ETFRF1: variants seen among roughly 807,000 people sequenced by gnomAD.
The protein encoded by ETFRF1 is LYR motif containing 5.
Under a neutral mutation model 9.0 loss-of-function variants are expected in ETFRF1, and 12 were observed. The ratio of observed to expected loss-of-function variants is 1.34; its 90% CI spans 0.86 to 2.16. ETFRF1 has a LOEUF of 2.16. Among genes scored for constraint, ETFRF1 ranks in the 30% most tolerant of loss-of-function variants. The pLI is 0.00. For missense variants in ETFRF1, 98 were observed against 101.8 expected (o/e 0.96, Z 0.16); for synonymous variants, 34 against 33.2 (o/e 1.02, Z -0.08).
chr12:25,198,572 G>A (rs1447655469), intron 1 of ETFRF1, among the ~76,000 whole-genome samples: 1 of 152,058 alleles, frequency 6.6e-6, no homozygotes, highest in African/African-American at 2.4e-5. Context: ...CAGCTCAGAA[G>A]TGATAAGAGA....
Position 25,204,745 on chromosome 12 carries a change from A to G in ETFRF1, c.*433A>G, listed in dbSNP as rs1355523237. 5.4e-6 allele frequency: 1 copy of G among 184,762 alleles called. No individual in the cohort carries two copies. Among genetic ancestry groups the G allele is most frequent in the Non-Finnish European group, 1.1e-5 (1 of 87,158 alleles). The allele number at this position is 184,762 out of a possible 1,614,324, so 11.4% of individuals were successfully genotyped here. ...CCCTTATTTTTTCACCCAATTTGGT[A>G]TATTAACAGCACATACTCAAGGTTC... On this transcript the variant is annotated 3_prime_UTR_variant, in exon 3 of 3. Coordinates refer to ENST00000381356, the MANE Select transcript of ETFRF1 (RefSeq NM_001001660.3).
intron 1 of ETFRF1, among the ~76,000 whole-genome samples, chr12:25,201,877 T>A (rs1469978055): frequency 6.6e-6 from 1 of 151,938 alleles, no homozygotes. Context: ...CATTTTCTGC[T>A]AGTTAACTAT....
rs1951120693 is a variant in ETFRF1, at chr12:25,205,119, T to TAA, written c.*809_*810dup. The TAA allele has an allele frequency of 4.6e-6, 1 of 216,982 alleles. No individual in the cohort carries two copies. Among genetic ancestry groups the TAA allele is most frequent in the African/African-American group, 2.2e-5 (1 of 44,450 alleles). The allele number at this position is 216,982 out of a possible 1,614,324, so 13.4% of individuals were successfully genotyped here. On this transcript the variant is annotated 3_prime_UTR_variant, in exon 3 of 3. Coordinates refer to ENST00000381356, the MANE Select transcript of ETFRF1 (RefSeq NM_001001660.3). The stretch of plus-strand genomic sequence containing the variant: ...TAATATCCACAGCACCTTTTAGAAA[T>TAA]AAAGGATACTTCTAACAAGCTGCAT...
chr12:25,202,451 G>C (rs1951082397), intron 1 of ETFRF1, among the ~76,000 whole-genome samples: 1 of 152,064 alleles, frequency 6.6e-6, no homozygotes, highest in Non-Finnish European at 1.5e-5. Flanking sequence ...GATGAGGAGG[G>C]CATCCTATTA....
intron 1 of ETFRF1, among the ~76,000 whole-genome samples, chr12:25,198,050 C>T (rs894118913): frequency 6.6e-6 from 1 of 152,130 alleles, no homozygotes; most frequent in Non-Finnish European, 1.5e-5. Context: ...GCAGAATTCT[C>T]AAAAGGCACT....
rs983014435 is a variant in ETFRF1, at chr12:25,198,001, G to T, written c.-38+2664G>T. 1.1e-4 allele frequency among the ~76,000 whole-genome samples: 17 copies of T among 152,186 alleles called. No homozygotes were observed. In the East Asian group the frequency reaches 2.7e-3, roughly 24 times the overall value. On this transcript the variant is annotated intron_variant, in intron 1 of 2. Transcript: ENST00000381356. ...CTCAGAAGCTGGAAAACAGGTGAAT[G>T]AATGTGACTTAGCACACCAGAAAAA... is the stretch of plus-strand genomic sequence containing the variant.
intron 1 of ETFRF1, among the ~76,000 whole-genome samples, chr12:25,201,331 G>A (rs1230841422): frequency 6.6e-6 from 1 of 152,236 alleles, no homozygotes; most frequent in Admixed American, 6.5e-5. Flanking sequence ...AGAAGGTAAA[G>A]CCAGACTAGG....
At chr12:25,195,882 C>T (rs11047888) in intron 1 of ETFRF1, 74,857 of 152,006 alleles carry the variant, frequency 0.49, 19,372 homozygotes, top group East Asian at 0.8. Context: ...TCTCCTCCCA[C>T]ATGAAGAAAC....
chr12:25,200,791 T>C lies in ETFRF1; in HGVS notation c.-37-3129T>C, dbSNP rs115560018. ...ATGGAACACTTTGGAATGTAGAAAA[T>C]GGGATAATCAACATAGAGGATAGGC... On this transcript the variant is annotated intron_variant, in intron 1 of 2. Coordinates refer to ENST00000381356, the MANE Select transcript of ETFRF1 (RefSeq NM_001001660.3). Among the ~76,000 whole-genome samples, 1,428 of 151,946 alleles carry C rather than the reference T, an allele frequency of 9.4e-3. 17 individuals are homozygous for C. The highest frequency in any genetic ancestry group is 0.033 in the African/African-American group (1,358 of 41,432).
chr12:25,195,397 G>C, intron 1 of ETFRF1, 60 bp downstream of exon 1: 1 of 552,266 alleles, frequency 1.8e-6, no homozygotes, highest in Non-Finnish European at 3.3e-6. Context: ...GGGTCTGGAG[G>C]CGAAATATGC....
At chr12:25,203,332 C>T (rs1265416771) in intron 1 of ETFRF1, among the ~76,000 whole-genome samples, 1 of 152,228 alleles carries the variant, frequency 6.6e-6, no homozygotes, top group East Asian at 1.9e-4. Flanking sequence ...CACCCTCTTA[C>T]AGGTTGTTCA....
At chr12:25,201,434 C>G (rs746555910) in intron 1 of ETFRF1, among the ~76,000 whole-genome samples, 21 of 151,902 alleles carry the variant, frequency 1.4e-4, no homozygotes, top group Admixed American at 3.3e-4. Flanking sequence ...ATATTTAGGG[C>G]AATGTTCATG....
Position 25,204,159 on chromosome 12 carries a change from C to A in ETFRF1, c.120C>A (p.Phe40Leu). 6.2e-7 allele frequency: 1 copy of A among 1,612,548 alleles called. No individual in the cohort carries two copies. Among genetic ancestry groups the A allele is most frequent in the Non-Finnish European group, 8.5e-7 (1 of 1,179,228 alleles). Residue 40 changes from phenylalanine to leucine, a missense_variant, in exon 3 of 3, where the codon TTC (phenylalanine) becomes TTA (leucine). Coordinates refer to ENST00000381356, the MANE Select transcript of ETFRF1 (RefSeq NM_001001660.3). Reference sequence around the variant, plus strand: ...TTAAAAAGCGTTTGAAGAACATTTTCCTTAAAAACAAAGATGTGAAGAATC... The same window carrying A: ...TTAAAAAGCGTTTGAAGAACATTTTACTTAAAAACAAAGATGTGAAGAATC... ...DYFKKRLKNI[F>L]LKNKDVKNPE...
At position 25,204,414 on chromosome 12, in the gene ETFRF1, A is replaced by G; in HGVS notation, c.*102A>G. The G allele has an allele frequency of 2.0e-6, 2 of 979,302 alleles. No individual in the cohort carries two copies. Among genetic ancestry groups the G allele is most frequent in the Non-Finnish European group, 2.8e-6 (2 of 708,696 alleles). The allele number at this position is 979,302 out of a possible 1,614,324, so 60.7% of individuals were successfully genotyped here. The stretch of plus-strand genomic sequence containing the variant: ...ATGGGAAGATATACATGTTGTGTAA[A>G]AAATCCCTGAGCTGCCCTACTGAAC... On this transcript the variant is annotated 3_prime_UTR_variant, in exon 3 of 3. Coordinates refer to ENST00000381356, the MANE Select transcript of ETFRF1 (RefSeq NM_001001660.3).
At chr12:25,196,881 G>A (rs1001122254) in intron 1 of ETFRF1, among the ~76,000 whole-genome samples, 1 of 152,200 alleles carries the variant, frequency 6.6e-6, no homozygotes, top group African/African-American at 2.4e-5. Context: ...ATTGCCTGGT[G>A]TGGTGGCTCA....
chr12:25,201,633 T>C (rs1387070859), intron 1 of ETFRF1, among the ~76,000 whole-genome samples: 1 of 152,030 alleles, frequency 6.6e-6, no homozygotes, highest in African/African-American at 2.4e-5. Flanking sequence ...GCAGTTTCTA[T>C]GTCTAATACG....
chr12:25,199,293 G>A (rs989825808), intron 1 of ETFRF1, among the ~76,000 whole-genome samples: 1 of 147,622 alleles, frequency 6.8e-6, no homozygotes, highest in African/African-American at 2.5e-5. Context: ...TATATACTAC[G>A]TAGTATGTAC....
intron 1 of ETFRF1, among the ~76,000 whole-genome samples, chr12:25,199,277 A>G (rs1031552318): frequency 6.7e-6 from 1 of 149,082 alleles, no homozygotes; most frequent in Non-Finnish European, 1.5e-5. Context: ...TACTATATAT[A>G]TCTACTATAT....
At chr12:25,198,315 C>T (rs537536506) in intron 1 of ETFRF1, among the ~76,000 whole-genome samples, 1 of 152,262 alleles carries the variant, frequency 6.6e-6, no homozygotes, top group East Asian at 1.9e-4. Context: ...GAAGACTCAA[C>T]TCTGAGGAAC....
Sources: allele counts gnomAD v4.1 joint callset (sites outside exome capture counted in the v4.1 genomes callset), GRCh38; gene constraint gnomAD v4.1.1; transcripts MANE v1.5; gene names NCBI Gene and HGNC (gene_info 2026-07-23, HGNC 2026-07-21).